Variants in HCN2 observed in about 807,000 individuals in gnomAD.
HCN2 encodes the protein hyperpolarization activated cyclic nucleotide gated potassium and sodium channel 2, also known as potassium/sodium hyperpolarization-activated cyclic nucleotide-gated channel 2.
A neutral mutation model predicts 52.3 loss-of-function variants in HCN2; 20 were observed. That is an observed-to-expected ratio of 0.38 (90% CI 0.27 to 0.56). The LOEUF (loss-of-function observed/expected upper bound fraction) is 0.56. Ranked by LOEUF, HCN2 falls within the 20% of genes least tolerant of loss-of-function variation. The pLI, the probability that HCN2 is intolerant of heterozygous loss-of-function variation, is 0.71. For missense variants in HCN2, 981 were observed against 1,207.7 expected (o/e 0.81, Z 2.78); for synonymous variants, 694 against 537.0 (o/e 1.29, Z -4.04).
At chr19:600,622 G>GGCAC in intron 1 of HCN2, among the ~76,000 whole-genome samples, 1 of 152,130 alleles carries the variant, frequency 6.6e-6, no homozygotes, top group South Asian at 2.1e-4. Flanking sequence ...TGGGATTACA[G>GGCAC]ACGTGAGCCA....
chr19:602,254 TCCC>T (rs1983229308), intron 1 of HCN2, among the ~76,000 whole-genome samples: 3 of 92,516 alleles, frequency 3.2e-5, no homozygotes, highest in East Asian at 3.1e-4. Context: ...GACGCCCCAC[TCCC>T]TCCTCTCTCC....
chr19:613,964 C>G lies in HCN2; in HGVS notation c.1938C>G (p.Pro646=), dbSNP rs772325680. ...TCAACGAGGTGCTGGAGGAGTACCCCATGATGCGGCGCGCCTTCGAGACGG... is the reference window on the plus strand; with the variant it reads ...TCAACGAGGTGCTGGAGGAGTACCCGATGATGCGGCGCGCCTTCGAGACGG... ...DNFNEVLEEY[P]MMRRAFETVA... The change falls in exon 7 of 8, where the codon CCC becomes CCG. Residue 646 remains proline (P), a synonymous_variant. Coordinates refer to ENST00000251287, the MANE Select transcript of HCN2 (RefSeq NM_001194.4). 1 of 1,526,382 alleles carries G rather than the reference C, an allele frequency of 6.6e-7. No homozygotes were observed. The allele number at this position is 1,526,382 out of a possible 1,614,324, so 94.6% of individuals were successfully genotyped here. A position where few individuals can be genotyped will look rare whatever the true frequency, so the allele number is the denominator to read the frequency against.
chr19:614,137 A>G (rs1037372604), intron 7 of HCN2, 121 bp downstream of exon 7: 2 of 674,764 alleles, frequency 3.0e-6, no homozygotes, highest in African/African-American at 4.9e-5. Flanking sequence ...CATCAGGGGC[A>G]CGGTTGGGGC....
At position 590,744 on chromosome 19, in the gene HCN2, G is replaced by A. The variant is rs1600513087; in HGVS notation, c.632+167G>A. ...CCGGGACCCGCCCCGGAGTGACCCC[G>A]GCGCGCGAGGCTCCGCCTCTGGGGG... is the stretch of plus-strand genomic sequence containing the variant. On this transcript the variant is annotated intron_variant, in intron 1 of 7. Coordinates refer to ENST00000251287, the MANE Select transcript of HCN2 (RefSeq NM_001194.4). This position sits in a 1 kb window ranked among gnomAD's most constrained non-coding sequence, Gnocchi z 7.2. The A allele has an allele frequency of 5.1e-6, 2 of 392,296 alleles. No homozygotes were observed. Among genetic ancestry groups the A allele is most frequent in the East Asian group, 9.2e-5 (2 of 21,662 alleles). 24.3% of individuals were successfully genotyped at this position (392,296 alleles called of 1,614,324 possible).
chr19:594,897 C>T (rs938544631), intron 1 of HCN2, among the ~76,000 whole-genome samples: 1 of 152,118 alleles, frequency 6.6e-6, no homozygotes. Flanking sequence ...CCTATGTTCC[C>T]TGCTCGAAAA....
intron 1 of HCN2, among the ~76,000 whole-genome samples, chr19:600,504 C>G (rs535347136): frequency 7.2e-5 from 11 of 152,152 alleles, no homozygotes; most frequent in African/African-American, 2.6e-4. Context: ...TCATGCCCAG[C>G]CAATTTTTTT....
chr19:609,671 T>G (rs1983541057), intron 4 of HCN2, among the ~76,000 whole-genome samples: 1 of 152,092 alleles, frequency 6.6e-6, no homozygotes, highest in Admixed American at 6.5e-5. Flanking sequence ...GAGGCCGAGG[T>G]GGGAGGATCC....
At position 600,436 on chromosome 19, in the gene HCN2, G is replaced by A. The variant is rs1983167185; in HGVS notation, c.633-3108G>A. The stretch of plus-strand genomic sequence containing the variant: ...GCTCACTGCAACCTCCGCCTCACTG[G>A]TTCAAGCGATTCTCCTGCCTCAGCC... On this transcript the variant is annotated intron_variant, in intron 1 of 7. Coordinates refer to ENST00000251287, the MANE Select transcript of HCN2 (RefSeq NM_001194.4). Among the ~76,000 whole-genome samples, 5 of 152,276 alleles carry A rather than the reference G, an allele frequency of 3.3e-5. No homozygotes were observed. The South Asian group carries it at 8.3e-4, about 25-fold the overall frequency.
At chr19:615,740 CCG>C (rs1983873442) in intron 7 of HCN2, 53 bp from the exon 8 acceptor site, 10 of 1,586,476 alleles carry the variant, frequency 6.3e-6, no homozygotes, top group Non-Finnish European at 7.8e-6. Context: ...TGCTCGGTGC[CCG>C]CTGTACGCAG....
At chr19:611,351 G>A (rs1222714136) in intron 5 of HCN2, among the ~76,000 whole-genome samples, 1 of 152,218 alleles carries the variant, frequency 6.6e-6, no homozygotes, top group Non-Finnish European at 1.5e-5. Context: ...CTGGGAAGCG[G>A]GGAGGGACGA....
chr19:611,457 G>A (rs780355424), intron 5 of HCN2, among the ~76,000 whole-genome samples: 7 of 152,192 alleles, frequency 4.6e-5, no homozygotes, highest in Non-Finnish European at 8.8e-5. Context: ...GGAGGGGCTG[G>A]AGGAGCTGGG....
At position 591,589 on chromosome 19, in the gene HCN2, G is replaced by A. The variant is rs1331553319; in HGVS notation, c.632+1012G>A. Among the ~76,000 whole-genome samples, 1 of 152,098 alleles carries A rather than the reference G, an allele frequency of 6.6e-6. No homozygotes were observed. Among genetic ancestry groups the A allele is most frequent in the Non-Finnish European group, 1.5e-5 (1 of 67,984 alleles). On this transcript the variant is annotated intron_variant, in intron 1 of 7. Coordinates refer to ENST00000251287, the MANE Select transcript of HCN2 (RefSeq NM_001194.4). This position sits in a 1 kb window ranked among gnomAD's most constrained non-coding sequence, Gnocchi z 4.1. ...TGTGTATCCACGAGTGGGGTGTGAG[G>A]TGGGGTGTGGAGGGTGCAGGTGGAG...
Position 616,085 on chromosome 19 carries a change from C to T in HCN2, c.2281C>T (p.Pro761Ser). 1 of 1,034,058 alleles carries T rather than the reference C, an allele frequency of 9.7e-7. No individual in the cohort carries two copies. Among genetic ancestry groups the T allele is most frequent in the Non-Finnish European group, 1.2e-6 (1 of 863,512 alleles). 64.1% of individuals were successfully genotyped at this position (1,034,058 alleles called of 1,614,324 possible). ...CGGCTCGCCGCGCCTCGTGCGCCGC[C>T]CGCCCCCGGGGCCCGCACCTGCCGC... ...ALGSPRLVRRPPPGPAPAAAS... is the reference protein window; with the variant it reads ...ALGSPRLVRRSPPGPAPAAAS... The change falls in exon 8 of 8, where the codon CCG becomes TCG. Residue 761 changes from proline to serine, a missense_variant. Coordinates refer to ENST00000251287, the MANE Select transcript of HCN2 (RefSeq NM_001194.4).
At position 591,809 on chromosome 19, in the gene HCN2, T is replaced by C. The variant is rs1318191744; in HGVS notation, c.632+1232T>C. Among the ~76,000 whole-genome samples, 1 of 152,128 alleles carries C rather than the reference T, an allele frequency of 6.6e-6. No homozygotes were observed. Among genetic ancestry groups the C allele is most frequent in the Admixed American group, 6.5e-5 (1 of 15,284 alleles). On this transcript the variant is annotated intron_variant, in intron 1 of 7. Transcript: ENST00000251287. This position sits in a 1 kb window ranked among gnomAD's most constrained non-coding sequence, Gnocchi z 4.1. The stretch of plus-strand genomic sequence containing the variant: ...ACTGGGCAGGGAGGCTGTGGGGTTC[T>C]CTCTTCCCCTGGATTCTCTGCACCC...
chr19:597,860 G>A (rs112237459), intron 1 of HCN2, among the ~76,000 whole-genome samples: 1 of 151,872 alleles, frequency 6.6e-6, no homozygotes, highest in Non-Finnish European at 1.5e-5. Flanking sequence ...TCTCCTTGGC[G>A]GTTTCTAGGT....
chr19:600,156 C>G (rs575658080), intron 1 of HCN2, among the ~76,000 whole-genome samples: 1 of 152,128 alleles, frequency 6.6e-6, no homozygotes, highest in African/African-American at 2.4e-5. Flanking sequence ...GGCCCCAGAG[C>G]CCAGAGGTTT....
intron 7 of HCN2, among the ~76,000 whole-genome samples, chr19:614,335 C>T (rs1983806759): frequency 6.6e-6 from 1 of 152,152 alleles, no homozygotes; most frequent in African/African-American, 2.4e-5. Context: ...GCGGTTGTGC[C>T]GAATGCTCGG....
intron 5 of HCN2, among the ~76,000 whole-genome samples, chr19:612,393 G>GGTGGGTGTGTGTGT (rs1215986490): frequency 1.4e-5 from 2 of 141,770 alleles, no homozygotes; most frequent in Admixed American, 7.1e-5. Context: ...GCTTTCCACT[G>GGTGGGTGTGTGTGT]GTGTGTGTGT....
At chr19:613,178 C>G in intron 5 of HCN2, 70 bp from the exon 6 acceptor site, 1 of 1,527,706 alleles carries the variant, frequency 6.5e-7, no homozygotes, top group Non-Finnish European at 8.8e-7. Context: ...GTGAGCCGGT[C>G]CCAGAGGCAG....
Sources: allele counts gnomAD v4.1 joint callset (sites outside exome capture counted in the v4.1 genomes callset), GRCh38; gene constraint gnomAD v4.1.1; non-coding constraint Gnocchi (gnomAD v3.1); transcripts MANE v1.5; gene names NCBI Gene and HGNC (gene_info 2026-07-23, HGNC 2026-07-21).